MACF1: variants seen among roughly 807,000 people sequenced by gnomAD.
MACF1 encodes the protein microtubule-actin cross-linking factor 1.
In MACF1, 193 loss-of-function variants were observed where a neutral mutation model predicts 854.8. The ratio of observed to expected loss-of-function variants is 0.23; its 90% confidence interval spans 0.20 to 0.25. The LOEUF (loss-of-function observed/expected upper bound fraction) is 0.25. Ranked by LOEUF, MACF1 falls within the 10% of genes least tolerant of loss-of-function variation. MACF1 has a pLI of 1.00. For missense variants in MACF1, 7,722 were observed against 8,929.1 expected, an observed-to-expected ratio of 0.86 and a Z score of 5.45; for synonymous variants, 3,185 against 3,226.7, an observed-to-expected ratio of 0.99 and a Z score of 0.44.
intron 2 of MACF1, among the ~76,000 whole-genome samples, chr1:39,164,512 A>G (rs1171134091): frequency 6.6e-6 from 1 of 152,214 alleles, no homozygotes; most frequent in Non-Finnish European, 1.5e-5. Flanking sequence ...AGCTCCCATC[A>G]TGTCATCATC....
At position 39,276,185 on chromosome 1, in the gene MACF1, G is replaced by A. The variant is rs188892625; in HGVS notation, c.529-6023G>A. 5.7e-4 allele frequency among the ~76,000 whole-genome samples: 86 copies of A among 152,164 alleles called. 1 individual carries two copies. Among genetic ancestry groups the A allele is most frequent in the African/African-American group, 2.0e-3 (85 of 41,528 alleles). On this transcript the variant is annotated intron_variant, in intron 6 of 100. Coordinates refer to ENST00000564288, the MANE Select transcript of MACF1 (RefSeq NM_001394062.1). ...TCCTCTTGCCTATGCCTCCCAAAGTGGTGGGATTACAGGAGTGAGCCACTG... is the reference window on the plus strand; with the variant it reads ...TCCTCTTGCCTATGCCTCCCAAAGTAGTGGGATTACAGGAGTGAGCCACTG...
At chr1:39,249,933 C>T in intron 2 of MACF1, 81 bp from the exon 3 acceptor site, 1 of 700,108 alleles carries the variant, frequency 1.4e-6, no homozygotes, top group Non-Finnish European at 2.4e-6. Context: ...TTTGTGTTTA[C>T]CTAGAACCAG....
At chr1:39,452,910 C>A in intron 87 of MACF1, 98 bp downstream of exon 87, 1 of 1,435,108 alleles carries the variant, frequency 7.0e-7, no homozygotes, top group Non-Finnish European at 9.5e-7. Context: ...AATATCAGAG[C>A]TCACATGAAA....
At chr1:39,220,388 G>T (rs891227838) in intron 1 of MACF1, among the ~76,000 whole-genome samples, 1 of 151,054 alleles carries the variant, frequency 6.6e-6, no homozygotes, top group Non-Finnish European at 1.5e-5. Flanking sequence ...GGCCAGGCTG[G>T]TCTCGAACTC....
At chr1:39,114,189 T>G (rs1480526968) in intron 2 of MACF1, among the ~76,000 whole-genome samples, 1 of 151,736 alleles carries the variant, frequency 6.6e-6, no homozygotes, top group African/African-American at 2.4e-5. Flanking sequence ...ACTGTTTTTT[T>G]TTTTTTTTTA....
Position 39,334,171 on chromosome 1 carries a change from G to A in MACF1, c.7583G>A (p.Gly2528Asp), listed in dbSNP as rs142837409. 1.9e-6 allele frequency: 3 copies of A among 1,613,922 alleles called. No homozygotes were observed. Among genetic ancestry groups the A allele is most frequent in the Non-Finnish European group, 2.5e-6 (3 of 1,179,942 alleles). Reference protein sequence around the residue: ...VDNAFRHGLIGEDLAEKLKRV... With the variant: ...VDNAFRHGLIDEDLAEKLKRV... ...AATGCCTTCAGACATGGCTTAATTG[G>A]TGAAGATTTAGCCGAGAAACTCAAA... Residue 2528 changes from glycine (G) to aspartate (D), a missense_variant, in exon 37 of 101, where the codon GGT becomes GAT. Gly to Asp is a moderately conservative substitution (Grantham distance 94). Transcript: ENST00000564288.
Position 39,360,962 on chromosome 1 carries a change from C to G in MACF1, c.12414C>G (p.Leu4138=), listed in dbSNP as rs747691684. Residue 4138 remains leucine (L), a synonymous_variant, in exon 48 of 101, where the codon CTC becomes CTG. Transcript: ENST00000564288. ...TGGAAGGGAAGCAGGTGTCATCACTCTCATCAGGAGTCATCCAGGAAGCCT... is the reference window on the plus strand; with the variant it reads ...TGGAAGGGAAGCAGGTGTCATCACTGTCATCAGGAGTCATCCAGGAAGCCT... ...QNLEGKQVSS[L]SSGVIQEALA... 1.2e-6 allele frequency: 2 copies of G among 1,614,118 alleles called. No individual in the cohort carries two copies. The highest frequency in any genetic ancestry group is 2.2e-5 in the East Asian group (1 of 44,876).
intron 3 of MACF1, among the ~76,000 whole-genome samples, chr1:39,251,131 T>A (rs1175308903): frequency 6.6e-6 from 1 of 152,196 alleles, no homozygotes; most frequent in Non-Finnish European, 1.5e-5. Context: ...CTTCTAGGAT[T>A]GGGGCTTGGC....
At position 39,318,614 on chromosome 1, in the gene MACF1, C is replaced by T. The variant is rs202144547; in HGVS notation, c.3944C>T (p.Thr1315Met). ...CTTTCGGAGCAGCTCAGCCAGCAGA[C>T]GGTGAGTGTGGTAGTAGCTCTGGCG... ...RVLSEQLSQQ[T>M]ALFAEIERNQ... The change falls in exon 30 of 101, where the codon ACG becomes ATG. Residue 1315 changes from threonine to methionine, a missense_variant and splice_region_variant. Thr to Met is a moderately conservative substitution (Grantham distance 81). Transcript: ENST00000564288. 113 of 1,608,064 alleles carry T rather than the reference C, an allele frequency of 7.0e-5. No individual in the cohort carries two copies. The South Asian group carries it at 1.1e-3, about 16-fold the overall frequency.
intron 53 of MACF1, 116 bp from the exon 54 acceptor site, chr1:39,379,087 G>C (rs1649969395): frequency 9.3e-7 from 1 of 1,075,142 alleles, no homozygotes; most frequent in Non-Finnish European, 1.3e-6. Flanking sequence ...TTAGCAGGAA[G>C]ATAATCTCTA....
chr1:39,203,933 C>T (rs897950383), upstream of MACF1, among the ~76,000 whole-genome samples: 7 of 152,050 alleles, frequency 4.6e-5, no homozygotes, highest in African/African-American at 7.2e-5. Context: ...TGTGGATATA[C>T]GTTTCTCTTT....
chr1:39,443,059 G>C, intron 78 of MACF1, 148 bp downstream of exon 78: 1 of 751,390 alleles, frequency 1.3e-6, no homozygotes, highest in Non-Finnish European at 2.1e-6. Context: ...TATCTAGAAA[G>C]AGCAGCTTTT....
At chr1:39,453,924 C>T (rs1644385926) in intron 88 of MACF1, 74 bp downstream of exon 88, 2 of 1,487,468 alleles carry the variant, frequency 1.3e-6, no homozygotes, top group African/African-American at 1.4e-5. Flanking sequence ...GTATTTTTCC[C>T]CCAGGTAAGG....
At chr1:39,197,924 G>A (rs1644341796) in intron 2 of MACF1, among the ~76,000 whole-genome samples, 1 of 152,144 alleles carries the variant, frequency 6.6e-6, no homozygotes, top group African/African-American at 2.4e-5. Flanking sequence ...GATGCCAAGT[G>A]GAGTGGCTCA....
At position 39,335,508 on chromosome 1, in the gene MACF1, AAGAG is replaced by A. The variant is rs1557594915; in HGVS notation, c.8926_8929del (p.Glu2976ArgfsTer4). On this transcript the variant is annotated frameshift_variant, in exon 37 of 101. Transcript: ENST00000564288. LOFTEE classifies it high-confidence loss of function. Reference sequence around the variant, plus strand: ...ACCAATGAATGCTCGGGTGAAAAGTAAGAGAGAGAAGAGGGAGGTGATTGTAGAA... The same window carrying A: ...ACCAATGAATGCTCGGGTGAAAAGTAAGAGAAGAGGGAGGTGATTGTAGAA... 1.9e-6 allele frequency: 3 copies of A among 1,614,182 alleles called. No homozygotes were observed. Among genetic ancestry groups the A allele is most frequent in the Non-Finnish European group, 2.5e-6 (3 of 1,180,016 alleles).
In MACF1 at chr1:39,452,238, G is replaced by T. The variant is rs1241433864; in HGVS notation, c.20501G>T (p.Arg6834Leu). 6.2e-7 allele frequency: 1 copy of T among 1,614,050 alleles called. No individual in the cohort carries two copies. The highest frequency in any genetic ancestry group is 1.7e-5 in the Admixed American group (1 of 59,998). The change falls in exon 86 of 101, where the codon CGA becomes CTA. Residue 6834 changes from arginine (R) to leucine (L), a missense_variant. Around this residue, in one of 15 missense-constraint regions of MACF1, gnomAD observed 729 missense variants for 900.5 expected, o/e 0.81. Coordinates refer to ENST00000564288, the MANE Select transcript of MACF1 (RefSeq NM_001394062.1). The part of the protein sequence containing the change: ...RSGRELIENS[R>L]DDTTWVKGQL... Reference sequence around the variant, plus strand: ...GGCCGAGAGCTGATTGAGAATAGTCGAGATGACACCACTTGGGTAAAAGGA... The same window carrying T: ...GGCCGAGAGCTGATTGAGAATAGTCTAGATGACACCACTTGGGTAAAAGGA...
chr1:39,441,472 C>T (rs890453635), intron 74 of MACF1, 147 bp downstream of exon 74: 6 of 643,958 alleles, frequency 9.3e-6, no homozygotes, highest in African/African-American at 9.2e-5. Context: ...AGCCAAAGTT[C>T]CCCACTTGTA....
chr1:39,096,183 C>CAA lies in MACF1; in HGVS notation c.220+11762_220+11763dup, dbSNP rs35710100. Among the ~76,000 whole-genome samples, 459 of 117,358 alleles carry CAA rather than the reference C, an allele frequency of 3.9e-3. 2 individuals carry two copies. The highest frequency in any genetic ancestry group is 4.8e-3 in the African/African-American group (130 of 27,216). The allele number at this position is 117,358 out of a possible 152,430, so 77.0% of individuals were successfully genotyped here. A position where few individuals can be genotyped will look rare whatever the true frequency, so the allele number is the denominator to read the frequency against. Reference sequence around the variant, plus strand: ...TGGGTGACACAGTGAGACCCTGTCTCAAAAAAAAAAAAAAAAAATTGCAGG... The same window carrying CAA: ...TGGGTGACACAGTGAGACCCTGTCTCAAAAAAAAAAAAAAAAAAAATTGCAGG... On this transcript the variant is annotated intron_variant, in intron 2 of 93. Coordinates refer to the MACF1 transcript ENST00000361689.
intron 2 of MACF1, among the ~76,000 whole-genome samples, chr1:39,197,971 G>A (rs1271162017): frequency 4.6e-5 from 7 of 152,124 alleles, no homozygotes. Context: ...GCTGAGGCAG[G>A]CAGATCACTT....
Sources: gnomAD v4.1 joint callset for allele counts (sites outside exome capture counted in the v4.1 genomes callset) on GRCh38, gnomAD v4.1.1 for gene constraint, gnomAD v4.1.1 regional missense constraint, MANE v1.5 for transcripts, NCBI Gene and HGNC (gene_info 2026-07-23, HGNC 2026-07-21) for gene names.